SLC11A2: variants seen among roughly 807,000 people sequenced by gnomAD.
The protein encoded by SLC11A2 is solute carrier family 11 member 2.
A neutral mutation model predicts 68.0 loss-of-function variants in SLC11A2; 38 were observed. That is an observed-to-expected ratio of 0.56 (90% CI 0.43 to 0.73). The LOEUF (loss-of-function observed/expected upper bound fraction) is 0.73, where lower values mean the gene tolerates loss of function less well. Among genes scored for constraint, SLC11A2 ranks in the 30% least tolerant of loss-of-function variants. SLC11A2 has a pLI of 0.00. For synonymous variants in SLC11A2, 242 were observed against 250.6 expected, an observed-to-expected ratio of 0.97 and a Z score of 0.32; for missense variants, 517 against 690.5, an observed-to-expected ratio of 0.75 and a Z score of 2.82.
At chr12:50,978,738 A>G (rs1297177857), downstream of SLC11A2, among the ~76,000 whole-genome samples, 1 of 152,180 alleles carries the variant, frequency 6.6e-6, no homozygotes, top group African/African-American at 2.4e-5. Flanking sequence ...TTTGAGGGTC[A>G]TTGCATGAAG....
At chr12:50,959,771 C>T in the SLC11A2 span, among the ~76,000 whole-genome samples, 1 of 152,156 alleles carries the variant, frequency 6.6e-6, no homozygotes, top group African/African-American at 2.4e-5. Flanking sequence ...CCTCAGCCTC[C>T]CAAGTAGCTG....
At chr12:51,028,513 T>C (rs2136458779), upstream of SLC11A2, 1 of 337,220 alleles carries the variant, frequency 3.0e-6, no homozygotes, top group East Asian at 4.9e-5. Context: ...CTCTGTACCA[T>C]TTGGCAGGAG....
chr12:50,965,152 C>T, the SLC11A2 span, among the ~76,000 whole-genome samples: 1 of 152,060 alleles, frequency 6.6e-6, no homozygotes, highest in Non-Finnish European at 1.5e-5. Context: ...CTTGCTCTGT[C>T]ACCCAAGTTG....
At chr12:51,009,485 T>C (rs919238576) in intron 2 of SLC11A2, among the ~76,000 whole-genome samples, 2 of 152,214 alleles carry the variant, frequency 1.3e-5, no homozygotes, top group South Asian at 4.1e-4. Context: ...AATCTCTGTG[T>C]TTGCAATAAA....
the SLC11A2 span, among the ~76,000 whole-genome samples, chr12:50,960,329 T>C: frequency 6.6e-6 from 1 of 152,356 alleles, no homozygotes; most frequent in South Asian, 2.1e-4. Context: ...ACTCAAAAGC[T>C]GTGGGCACTG....
chr12:51,028,128 G>C, upstream of SLC11A2: 1 of 1,253,570 alleles, frequency 8.0e-7, no homozygotes, highest in Non-Finnish European at 1.1e-6. Context: ...AGCTGTACTT[G>C]TCACCCTTTC....
At chr12:51,015,352 G>A (rs1943563547) in intron 1 of SLC11A2, among the ~76,000 whole-genome samples, 1 of 150,730 alleles carries the variant, frequency 6.6e-6, no homozygotes, top group Non-Finnish European at 1.5e-5. Flanking sequence ...GTGCATGCCT[G>A]TAATCCCAGC....
At position 51,001,810 on chromosome 12, in the gene SLC11A2, G is replaced by A. The variant is rs12306822; in HGVS notation, c.430-1391C>T. On this transcript the variant is annotated intron_variant, in intron 5 of 15. Coordinates refer to ENST00000262052, the MANE Select transcript of SLC11A2 (RefSeq NM_000617.3). The stretch of plus-strand genomic sequence containing the variant: ...GATCATGCCACTGCACTCCAGAGTG[G>A]GCAACAAACAAGAGCAAGACTGTCT... 8.5e-3 allele frequency among the ~76,000 whole-genome samples: 1,292 copies of A among 152,108 alleles called. 20 individuals are homozygous for A. The highest frequency in any genetic ancestry group is 0.029 in the African/African-American group (1,191 of 41,506).
intron 14 of SLC11A2, chr12:50,991,352 A>T (rs886354523): frequency 7.0e-6 from 4 of 568,714 alleles, no homozygotes; most frequent in Middle Eastern, 9.5e-4. Flanking sequence ...CTCAAACTTC[A>T]GTGGCTGAAG....
chr12:51,001,536 C>G (rs924215581), intron 5 of SLC11A2, among the ~76,000 whole-genome samples: 2 of 146,236 alleles, frequency 1.4e-5, no homozygotes, highest in Middle Eastern at 3.2e-3. Context: ...GCTCTGCCTA[C>G]GGAATAGCCT....
chr12:50,990,218 T>G (rs1941011559), intron 15 of SLC11A2, among the ~76,000 whole-genome samples: 1 of 152,148 alleles, frequency 6.6e-6, no homozygotes, highest in African/African-American at 2.4e-5. Context: ...CACTATTTAA[T>G]TATTTCCTTG....
chr12:50,995,895 C>T, intron 9 of SLC11A2, 108 bp from the exon 10 acceptor site: 1 of 1,023,452 alleles, frequency 9.8e-7, no homozygotes, highest in Non-Finnish European at 1.5e-6. Flanking sequence ...AAAAGTTGAC[C>T]AGACGAAAAG....
chr12:51,021,740 T>C (rs1312360454), intron 1 of SLC11A2, among the ~76,000 whole-genome samples: 2 of 151,670 alleles, frequency 1.3e-5, no homozygotes, highest in South Asian at 2.1e-4. Context: ...ATTGAGACCA[T>C]CTTAAGATAA....
chr12:50,965,569 T>C, the SLC11A2 span, among the ~76,000 whole-genome samples: 2 of 151,534 alleles, frequency 1.3e-5, no homozygotes, highest in African/African-American at 2.4e-5. Context: ...TAACAGAGAG[T>C]GGGTTCAGTG....
chr12:50,952,626 C>T, the SLC11A2 span, among the ~76,000 whole-genome samples: 2 of 152,196 alleles, frequency 1.3e-5, no homozygotes, highest in African/African-American at 4.8e-5. Flanking sequence ...AGGGACTAGC[C>T]ACAGGTGCAG....
At chr12:50,977,882 C>A (rs2136113662), downstream of SLC11A2, among the ~76,000 whole-genome samples, 1 of 152,246 alleles carries the variant, frequency 6.6e-6, no homozygotes, top group Admixed American at 6.5e-5. Flanking sequence ...AGCCAACAGA[C>A]ACATGAAAAA....
chr12:50,971,637 T>C, the SLC11A2 span, among the ~76,000 whole-genome samples: 1 of 152,194 alleles, frequency 6.6e-6, no homozygotes, highest in Non-Finnish European at 1.5e-5. Flanking sequence ...TTAACTAGGC[T>C]TTGCTGAAGA....
chr12:51,001,768 A>C (rs1479145090), intron 5 of SLC11A2, among the ~76,000 whole-genome samples: 1 of 152,100 alleles, frequency 6.6e-6, no homozygotes, highest in Non-Finnish European at 1.5e-5. Context: ...CCAGTGGTCA[A>C]GGCTGCAGTG....
chr12:50,992,744 A>T, intron 12 of SLC11A2, 66 bp downstream of exon 12: 1 of 1,016,070 alleles, frequency 9.8e-7, no homozygotes, highest in Non-Finnish European at 1.4e-6. Flanking sequence ...AAAAAAAAAA[A>T]AAGAAGAAGA....
Sources: gnomAD v4.1 joint callset for allele counts (sites outside exome capture counted in the v4.1 genomes callset) on GRCh38, gnomAD v4.1.1 for gene constraint, MANE v1.5 for transcripts, NCBI Gene and HGNC (gene_info 2026-07-23, HGNC 2026-07-21) for gene names.